The following HIPK3 variants were observed in gnomAD, a reference collection of about 807,000 sequenced individuals.
HIPK3 encodes the protein homeodomain interacting protein kinase 3, also known as homeodomain-interacting protein kinase 3.
HIPK3 carries 47 observed loss-of-function variants against 124.2 expected under a neutral mutation model. That is an observed-to-expected ratio of 0.38 (90% CI 0.30 to 0.48). The LOEUF is 0.48. Among genes scored for constraint, HIPK3 ranks in the 20% least tolerant of loss-of-function variants. The pLI, the probability that HIPK3 is intolerant of heterozygous loss-of-function variation, is 0.98. For synonymous variants in HIPK3, 482 were observed against 515.2 expected, an observed-to-expected ratio of 0.94 and a Z score of 0.87; for missense variants, 1,286 against 1,454.3, an observed-to-expected ratio of 0.88 and a Z score of 1.88.
In HIPK3 at chr11:33,266,008, C is replaced by T. The variant is rs1289428042; in HGVS notation, c.-3+8119C>T. On this transcript the variant is annotated intron_variant, in intron 1 of 16. Transcript: ENST00000303296. ...CTGAGGCAGGAGAATGGCGTGAACC[C>T]GGGAGGTGGAGTTTGCAGTGAGCCT... is the stretch of plus-strand genomic sequence containing the variant. Among the ~76,000 whole-genome samples, 13 of 138,974 alleles carry T rather than the reference C, an allele frequency of 9.4e-5. No homozygotes were observed. In the South Asian group the frequency reaches 1.2e-3, roughly 13 times the overall value. The allele number at this position is 138,974 out of a possible 152,430, so 91.2% of individuals were successfully genotyped here.
At chr11:33,295,960 A>G (rs1851833723) in intron 2 of HIPK3, among the ~76,000 whole-genome samples, 1 of 152,198 alleles carries the variant, frequency 6.6e-6, no homozygotes, top group African/African-American at 2.4e-5. Flanking sequence ...TCTTGTATTC[A>G]CTGACCAATT....
Position 33,287,322 on chromosome 11 carries a change from T to A in HIPK3, c.908T>A (p.Leu303His). ...PLPLKVIRPILQQVATALKKL... is the reference protein window; with the variant it reads ...PLPLKVIRPIHQQVATALKKL... ...CCACTAAAAGTGATTCGGCCCATTC[T>A]TCAACAAGTGGCCACTGCACTGAAA... is the stretch of plus-strand genomic sequence containing the variant. Residue 303 changes from leucine (L) to histidine (H), a missense_variant, in exon 2 of 17, where the codon CTT becomes CAT. This residue lies in a region of HIPK3 where 251 missense variants were observed against 349.1 expected (regional missense o/e 0.72). Coordinates refer to ENST00000303296, the MANE Select transcript of HIPK3 (RefSeq NM_005734.5). 1 of 1,614,216 alleles carries A rather than the reference T, an allele frequency of 6.2e-7. No individual in the cohort carries two copies. Among genetic ancestry groups the A allele is most frequent in the Non-Finnish European group, 8.5e-7 (1 of 1,180,040 alleles).
In HIPK3 at chr11:33,354,852, T is replaced by G. The variant is rs1421958460; in HGVS notation, c.*1284T>G. The stretch of plus-strand genomic sequence containing the variant: ...GAGTTCCCCCCTTCCCCGACATTTT[T>G]TTCTTTTTTGGGTGGTGGTGATGGT... On this transcript the variant is annotated 3_prime_UTR_variant, in exon 17 of 17. Coordinates refer to ENST00000303296, the MANE Select transcript of HIPK3 (RefSeq NM_005734.5). 6.6e-6 allele frequency: 1 copy of G among 152,048 alleles called. No homozygotes were observed. Among genetic ancestry groups the G allele is most frequent in the Non-Finnish European group, 1.5e-5 (1 of 67,920 alleles). 9.4% of individuals were successfully genotyped at this position (152,048 alleles called of 1,614,324 possible). A position where few individuals can be genotyped will look rare whatever the true frequency, so the allele number is the denominator to read the frequency against.
intron 1 of HIPK3, among the ~76,000 whole-genome samples, chr11:33,285,665 C>T (rs12276744): frequency 0.071 from 10,696 of 151,676 alleles, 796 homozygotes; most frequent in African/African-American, 0.18. Context: ...AGAAATATGG[C>T]TATAAACTAT....
Position 33,279,527 on chromosome 11 carries a change from A to G in HIPK3, c.-2-6886A>G, listed in dbSNP as rs974629222. On this transcript the variant is annotated intron_variant, in intron 1 of 16. Coordinates refer to ENST00000303296, the MANE Select transcript of HIPK3 (RefSeq NM_005734.5). The stretch of plus-strand genomic sequence containing the variant: ...TAGTAAAAAAAGATGGAAACAGCCC[A>G]CTATGGTTAGCAATGATCAGACTCA... Among the ~76,000 whole-genome samples, 5 of 152,268 alleles carry G rather than the reference A, an allele frequency of 3.3e-5. No homozygotes were observed. The East Asian group carries it at 9.7e-4, about 29-fold the overall frequency.
rs868173525 is a variant in HIPK3 at position 33,341,671 on chromosome 11, C to T, written c.1882C>T (p.Pro628Ser). ...TTTTCAGCAGACATTGATTATCTGT[C>T]CCCCAGCTATTCAAGGTATTATTTT... ...DAFQQTLIICPPAIQGIPATH... is the reference protein window; with the variant it reads ...DAFQQTLIICSPAIQGIPATH... Residue 628 changes from proline to serine, a missense_variant, in exon 8 of 17, where the codon CCC becomes TCC. Transcript: ENST00000303296. The T allele has an allele frequency of 6.2e-7, 1 of 1,610,884 alleles. No individual in the cohort carries two copies. The highest frequency in any genetic ancestry group is 8.5e-7 in the Non-Finnish European group (1 of 1,178,734).
chr11:33,304,200 A>T (rs576055832), intron 2 of HIPK3, among the ~76,000 whole-genome samples: 2 of 152,300 alleles, frequency 1.3e-5, no homozygotes, highest in Admixed American at 1.3e-4. Flanking sequence ...TGGCCTTCCA[A>T]AGTGCTGGGA....
intron 1 of HIPK3, among the ~76,000 whole-genome samples, chr11:33,265,081 T>G (rs972658596): frequency 6.6e-6 from 1 of 152,210 alleles, no homozygotes; most frequent in Non-Finnish European, 1.5e-5. Flanking sequence ...ATGACTTAAA[T>G]TAATACTTCT....
At chr11:33,317,092 T>C (rs1192305229) in intron 2 of HIPK3, among the ~76,000 whole-genome samples, 1 of 151,976 alleles carries the variant, frequency 6.6e-6, no homozygotes, top group African/African-American at 2.4e-5. Context: ...TGCCTCAGCC[T>C]CCCTAATAGC....
chr11:33,293,979 G>C (rs266465), intron 2 of HIPK3, among the ~76,000 whole-genome samples: 103,095 of 151,752 alleles, frequency 0.68, 35,174 homozygotes, highest in Non-Finnish European at 0.72. Context: ...CCAGCCTGGC[G>C]AGCATGGTCA....
intron 13 of HIPK3, 32 bp from the exon 14 acceptor site, chr11:33,349,115 G>A: frequency 6.3e-7 from 1 of 1,598,246 alleles, no homozygotes; most frequent in Non-Finnish European, 8.5e-7. Context: ...TCTTGTATTT[G>A]ACTCATGTTT....
chr11:33,322,848 A>G (rs1365429569), intron 2 of HIPK3, among the ~76,000 whole-genome samples: 1 of 152,138 alleles, frequency 6.6e-6, no homozygotes, highest in East Asian at 1.9e-4. Flanking sequence ...TAGAAAAACG[A>G]GTGGCCACTG....
intron 2 of HIPK3, among the ~76,000 whole-genome samples, chr11:33,307,378 TA>T (rs1421603477): frequency 6.6e-6 from 1 of 150,734 alleles, no homozygotes; most frequent in Non-Finnish European, 1.5e-5. Context: ...GTGTATTGAC[TA>T]AATTTGTGTA....
intron 5 of HIPK3, 145 bp from the exon 6 acceptor site, chr11:33,339,202 ATAT>A (rs1340843019): frequency 1.4e-5 from 8 of 565,706 alleles, no homozygotes; most frequent in Non-Finnish European, 2.2e-5. Context: ...GGATTTGTTA[ATAT>A]TATTTGTTCT....
intron 1 of HIPK3, among the ~76,000 whole-genome samples, chr11:33,269,302 C>T (rs1356882611): frequency 6.6e-6 from 1 of 151,966 alleles, no homozygotes; most frequent in African/African-American, 2.4e-5. Context: ...CAACCCTTTA[C>T]CTCTGGACTT....
intron 1 of HIPK3, among the ~76,000 whole-genome samples, chr11:33,269,369 C>G (rs988957939): frequency 6.6e-6 from 1 of 152,206 alleles, no homozygotes; most frequent in African/African-American, 2.4e-5. Context: ...AGAAACATCT[C>G]TTCATTCCCC....
intron 9 of HIPK3, 60 bp downstream of exon 9, chr11:33,347,474 T>G (rs562660003): frequency 6.2e-7 from 1 of 1,605,824 alleles, no homozygotes; most frequent in Admixed American, 1.7e-5. Context: ...ATAGTGAAAA[T>G]GACCTGGATA....
intron 3 of HIPK3, among the ~76,000 whole-genome samples, chr11:33,335,245 C>G (rs897504521): frequency 6.6e-6 from 1 of 151,656 alleles, no homozygotes; most frequent in Non-Finnish European, 1.5e-5. Context: ...AAGATTGAGG[C>G]GCAGATTTAG....
chr11:33,296,575 C>T (rs112391355), intron 2 of HIPK3, among the ~76,000 whole-genome samples: 3 of 152,146 alleles, frequency 2.0e-5, no homozygotes, highest in African/African-American at 4.8e-5. Context: ...CAACAGCATG[C>T]GCTCATTTTA....
Sources: allele counts gnomAD v4.1 joint callset (sites outside exome capture counted in the v4.1 genomes callset), GRCh38; gene constraint gnomAD v4.1.1; regional missense constraint gnomAD v4.1.1; transcripts MANE v1.5; gene names NCBI Gene and HGNC (gene_info 2026-07-23, HGNC 2026-07-21).